Variants in NBEA observed in about 807,000 individuals in gnomAD.
NBEA encodes the protein neurobeachin.
Under a neutral mutation model 343.4 loss-of-function variants are expected in NBEA, and 44 were observed. The observed-to-expected ratio is 0.13, with a 90% CI of 0.10 to 0.16. The LOEUF is 0.16. Ranked by LOEUF, NBEA falls within the 10% of genes least tolerant of loss-of-function variation. The pLI is 1.00. For synonymous variants in NBEA, 1,175 were observed against 1,238.7 expected, an observed-to-expected ratio of 0.95 and a Z score of 1.08; for missense variants, 2,555 against 3,631.3, an observed-to-expected ratio of 0.70 and a Z score of 7.62.
chr13:35,069,357 T>C (rs1373909175), intron 8 of NBEA, among the ~76,000 whole-genome samples: 1 of 151,776 alleles, frequency 6.6e-6, no homozygotes, highest in African/African-American at 2.4e-5. Flanking sequence ...TAAAAAGTAA[T>C]AACATGTTTT....
chr13:35,631,633 C>G (rs2083457336), intron 49 of NBEA, among the ~76,000 whole-genome samples: 1 of 67,410 alleles, frequency 1.5e-5, no homozygotes, highest in Admixed American at 2.1e-4. Context: ...TATATGTCTC[C>G]TTTGTAAAAA....
At position 35,667,569 on chromosome 13, in the gene NBEA, G is replaced by A. The variant is rs758639954; in HGVS notation, c.8660G>A (p.Arg2887Gln). The A allele has an allele frequency of 1.2e-6, 2 of 1,613,296 alleles. No homozygotes were observed. The highest frequency in any genetic ancestry group is 1.7e-4 in the Middle Eastern group (1 of 6,060). ...CAAATGGAGATCAATGATTCAACACGGGTAAATCTGCATAGTTCGTGCTAA... is the reference window on the plus strand; with the variant it reads ...CAAATGGAGATCAATGATTCAACACAGGTAAATCTGCATAGTTCGTGCTAA... Reference protein sequence around the residue: ...LAQMEINDSTRAILLSSDGQN... With the variant: ...LAQMEINDSTQAILLSSDGQN... Residue 2887 changes from arginine (R) to glutamine (Q), a missense_variant and splice_region_variant, in exon 57 of 59, where the codon CGG becomes CAG. Physicochemically the swap from Arg to Gln is conservative, Grantham distance 43. Around this residue, in one of 21 missense-constraint regions of NBEA, gnomAD observed 186 missense variants for 328.9 expected, o/e 0.57. Coordinates refer to ENST00000379939, the MANE Select transcript of NBEA (RefSeq NM_001385012.1).
At chr13:35,635,968 G>T (rs1434274421) in intron 49 of NBEA, among the ~76,000 whole-genome samples, 2 of 152,150 alleles carry the variant, frequency 1.3e-5, no homozygotes, top group East Asian at 3.8e-4. Flanking sequence ...TTATTGTGTG[G>T]TGTTGAGAAG....
chr13:35,343,045 A>C (rs1008109414), intron 36 of NBEA, among the ~76,000 whole-genome samples: 1 of 152,110 alleles, frequency 6.6e-6, no homozygotes, highest in African/African-American at 2.4e-5. Flanking sequence ...AGAATGTTGA[A>C]GGTAAAAAGA....
chr13:35,129,346 G>C (rs2067293790), intron 17 of NBEA, among the ~76,000 whole-genome samples: 1 of 151,974 alleles, frequency 6.6e-6, no homozygotes, highest in Non-Finnish European at 1.5e-5. Context: ...GCACACAAAA[G>C]TAAGGGAAAT....
intron 48 of NBEA, among the ~76,000 whole-genome samples, chr13:35,627,232 A>G (rs1217774324): frequency 2.6e-5 from 4 of 152,168 alleles, no homozygotes; most frequent in Non-Finnish European, 4.4e-5. Flanking sequence ...AAATTTACAA[A>G]GCTAGATGTA....
chr13:35,534,103 C>T (rs1041224815), intron 41 of NBEA, among the ~76,000 whole-genome samples: 15 of 152,230 alleles, frequency 9.9e-5, no homozygotes, highest in Non-Finnish European at 1.9e-4. Flanking sequence ...TGAGTGATAA[C>T]AAACAGAGTG....
chr13:35,525,421 C>T (rs1191874304), intron 41 of NBEA, among the ~76,000 whole-genome samples: 5 of 152,074 alleles, frequency 3.3e-5, no homozygotes, highest in East Asian at 1.9e-4. Flanking sequence ...GTCGTGGTGG[C>T]GCATGCCTGT....
rs545162980 is a variant in NBEA, at chr13:35,548,573, A to G, written c.6586-1904A>G. Reference sequence around the variant, plus strand: ...GATCTATCATTTTTTCTGATATTATATTCACTTTACTGTTTGGGTTTTCAA... The same window carrying G: ...GATCTATCATTTTTTCTGATATTATGTTCACTTTACTGTTTGGGTTTTCAA... On this transcript the variant is annotated intron_variant, in intron 41 of 58. Transcript: ENST00000379939. 2.0e-5 allele frequency among the ~76,000 whole-genome samples: 3 copies of G among 152,220 alleles called. 1 individual carries two copies. Among genetic ancestry groups the G allele is most frequent in the African/African-American group, 7.2e-5 (3 of 41,560 alleles).
At chr13:35,252,907 G>C (rs914963688) in intron 34 of NBEA, among the ~76,000 whole-genome samples, 2 of 152,134 alleles carry the variant, frequency 1.3e-5, no homozygotes, top group African/African-American at 4.8e-5. Flanking sequence ...CCTGGACCAA[G>C]ATGTGAGTCC....
intron 47 of NBEA, among the ~76,000 whole-genome samples, chr13:35,597,444 C>A (rs2769333): frequency 6.6e-6 from 1 of 152,006 alleles, no homozygotes; most frequent in Non-Finnish European, 1.5e-5. Context: ...GTCAGCAGAA[C>A]AGCAGTTATC....
intron 41 of NBEA, among the ~76,000 whole-genome samples, chr13:35,512,775 G>A (rs1678218610): frequency 6.6e-6 from 1 of 152,148 alleles, no homozygotes; most frequent in African/African-American, 2.4e-5. Flanking sequence ...CGGACTATTG[G>A]CAAACCTCTG....
chr13:35,284,697 A>G (rs2152814116), intron 34 of NBEA, among the ~76,000 whole-genome samples: 1 of 152,258 alleles, frequency 6.6e-6, no homozygotes, highest in South Asian at 2.1e-4. Flanking sequence ...AGAAAGCCAC[A>G]TGAATTGCTT....
chr13:35,342,402 A>G (rs1009045715), intron 36 of NBEA, among the ~76,000 whole-genome samples: 1 of 152,082 alleles, frequency 6.6e-6, no homozygotes, highest in Non-Finnish European at 1.5e-5. Context: ...GCATGAAATG[A>G]ACTTTTAGCG....
chr13:35,107,216 A>G (rs1370448656), intron 11 of NBEA, among the ~76,000 whole-genome samples: 1 of 151,798 alleles, frequency 6.6e-6, no homozygotes, highest in Non-Finnish European at 1.5e-5. Context: ...ATTTTCATTG[A>G]TATTCCTTTA....
intron 1 of NBEA, among the ~76,000 whole-genome samples, chr13:34,985,979 A>C: frequency 6.6e-6 from 1 of 150,522 alleles, no homozygotes; most frequent in East Asian, 1.9e-4. Context: ...ATCTTTTAAA[A>C]AAACCAGCTC....
At chr13:35,210,942 G>A (rs544866866) in intron 32 of NBEA, 111 bp from the exon 33 acceptor site, 44 of 1,109,092 alleles carry the variant, frequency 4.0e-5, no homozygotes, top group East Asian at 2.2e-4. Context: ...TGTCAAATTC[G>A]GTTTTGAAAA....
intron 39 of NBEA, among the ~76,000 whole-genome samples, chr13:35,433,836 A>C (rs1040446007): frequency 6.6e-6 from 1 of 152,078 alleles, no homozygotes; most frequent in Non-Finnish European, 1.5e-5. Flanking sequence ...ATATCTGCCT[A>C]CCTAGTAGTG....
chr13:35,462,837 G>T (rs1171858856), intron 40 of NBEA, among the ~76,000 whole-genome samples: 2 of 152,160 alleles, frequency 1.3e-5, no homozygotes, highest in Admixed American at 6.5e-5. Flanking sequence ...ACTGACTAGT[G>T]CAGGGAGTAA....
Sources: allele counts gnomAD v4.1 joint callset (sites outside exome capture counted in the v4.1 genomes callset), GRCh38; gene constraint gnomAD v4.1.1; regional missense constraint gnomAD v4.1.1; transcripts MANE v1.5; gene names NCBI Gene and HGNC (gene_info 2026-07-23, HGNC 2026-07-21).